The following POFUT3 variants were observed in gnomAD, a reference collection of about 807,000 sequenced individuals.
POFUT3 encodes protein O-fucosyltransferase 3.
chr8:33,396,872 C>G, the POFUT3 span, among the ~76,000 whole-genome samples: 2 of 152,138 alleles, frequency 1.3e-5, no homozygotes, highest in Non-Finnish European at 2.9e-5. Context: ...GTTCTTGACA[C>G]TTAATTAAAC....
chr8:33,463,962 C>T, the POFUT3 span, among the ~76,000 whole-genome samples: 3 of 152,088 alleles, frequency 2.0e-5, no homozygotes, highest in Non-Finnish European at 4.4e-5. Context: ...TTCCCAAAAC[C>T]CAGTGACTAA....
chr8:33,451,778 C>G, the POFUT3 span: 8 of 152,084 alleles, frequency 5.3e-5, no homozygotes, highest in African/African-American at 1.7e-4. Context: ...CTTGGGAGGC[C>G]TCAGGAAATT....
the POFUT3 span, among the ~76,000 whole-genome samples, chr8:33,443,956 T>C: frequency 1.3e-5 from 2 of 150,964 alleles, no homozygotes; most frequent in East Asian, 3.9e-4. Context: ...TGAGACCTCA[T>C]TTCTACAAGC....
the POFUT3 span, among the ~76,000 whole-genome samples, chr8:33,341,152 T>G: frequency 3.9e-5 from 6 of 152,142 alleles, no homozygotes; most frequent in African/African-American, 1.4e-4. Flanking sequence ...AGAAAAATAT[T>G]TGGCGAGGCG....
the POFUT3 span, among the ~76,000 whole-genome samples, chr8:33,424,327 G>A: frequency 6.6e-6 from 1 of 152,070 alleles, no homozygotes; most frequent in Non-Finnish European, 1.5e-5. Context: ...AAGCTACTTA[G>A]GAAATGTTAG....
the POFUT3 span, among the ~76,000 whole-genome samples, chr8:33,379,592 C>G: frequency 3.3e-5 from 5 of 151,854 alleles, no homozygotes; most frequent in Non-Finnish European, 7.4e-5. Context: ...AATCTCAGCA[C>G]TTTGGGAGGC....
chr8:33,461,232 A>C, the POFUT3 span: 1 of 651,974 alleles, frequency 1.5e-6, no homozygotes, highest in African/African-American at 1.9e-5. Flanking sequence ...GGAGGGAGGG[A>C]GGAAGGAAGG....
the POFUT3 span, among the ~76,000 whole-genome samples, chr8:33,324,770 C>T: frequency 1.3e-5 from 2 of 151,870 alleles, no homozygotes; most frequent in Non-Finnish European, 2.9e-5. Context: ...AGCACCATCG[C>T]CTATGTAATA....
chr8:33,470,666 A>C, the POFUT3 span, among the ~76,000 whole-genome samples: 1 of 152,186 alleles, frequency 6.6e-6, no homozygotes, highest in East Asian at 1.9e-4. Context: ...AAAAAATATA[A>C]ATTAATAAAT....
At chr8:33,425,498 C>T in the POFUT3 span, among the ~76,000 whole-genome samples, 2 of 151,818 alleles carry the variant, frequency 1.3e-5, no homozygotes, top group Admixed American at 1.3e-4. Context: ...GGAAAAAGTC[C>T]AGAGGGGGAA....
chr8:33,436,676 C>T, the POFUT3 span: 24 of 812,742 alleles, frequency 3.0e-5, no homozygotes, highest in South Asian at 4.4e-5. Flanking sequence ...TCCCAGGGCA[C>T]GTTTCCGATG....
At chr8:33,438,811 A>G in the POFUT3 span, among the ~76,000 whole-genome samples, 1 of 152,156 alleles carries the variant, frequency 6.6e-6, no homozygotes, top group Non-Finnish European at 1.5e-5. Flanking sequence ...GAAGCAGACA[A>G]GAGAGAATGA....
At chr8:33,318,731 T>G in the POFUT3 span, among the ~76,000 whole-genome samples, 4 of 75,268 alleles carry the variant, frequency 5.3e-5, no homozygotes, top group Non-Finnish European at 6.6e-5. Flanking sequence ...TATATATATT[T>G]TATATATATT....
chr8:33,330,597 T>C, the POFUT3 span, among the ~76,000 whole-genome samples: 7 of 152,304 alleles, frequency 4.6e-5, no homozygotes, highest in African/African-American at 1.7e-4. Context: ...TATAATAAAA[T>C]TTAAATTCTG....
chr8:33,358,284 G>T, the POFUT3 span, among the ~76,000 whole-genome samples: 1 of 152,014 alleles, frequency 6.6e-6, no homozygotes, highest in East Asian at 1.9e-4. Flanking sequence ...TTTAAAAAGG[G>T]ATATTCTGTA....
At chr8:33,472,510 G>A in the POFUT3 span, among the ~76,000 whole-genome samples, 1 of 152,192 alleles carries the variant, frequency 6.6e-6, no homozygotes, top group African/African-American at 2.4e-5. Flanking sequence ...TGCGGTTGCC[G>A]GTGCTTTCCT....
At chr8:33,315,566 T>C in the POFUT3 span, among the ~76,000 whole-genome samples, 1 of 152,146 alleles carries the variant, frequency 6.6e-6, no homozygotes, top group East Asian at 1.9e-4. Context: ...GTGTCCTGCC[T>C]TGTCTTCAGG....
chr8:33,386,170 C>G, the POFUT3 span, among the ~76,000 whole-genome samples: 4 of 116,924 alleles, frequency 3.4e-5, no homozygotes, highest in African/African-American at 1.5e-4. Context: ...GCCTGGACAA[C>G]ACAGCAAGGC....
chr8:33,363,747 T>C, the POFUT3 span, among the ~76,000 whole-genome samples: 1 of 152,038 alleles, frequency 6.6e-6, no homozygotes, highest in Non-Finnish European at 1.5e-5. Context: ...GAATAGACCA[T>C]TAACAGACTC....
Sources: gnomAD v4.1 joint callset for allele counts (sites outside exome capture counted in the v4.1 genomes callset) on GRCh38, gnomAD v4.1.1 for gene constraint, MANE v1.5 for transcripts, NCBI Gene and HGNC (gene_info 2026-07-23, HGNC 2026-07-21) for gene names.